Variants in RYR2 observed in about 807,000 individuals in gnomAD.
RYR2 encodes ryanodine receptor 2, also known as cardiac muscle ryanodine receptor-calcium release channel.
In RYR2, 227 loss-of-function variants were observed where a neutral mutation model predicts 601.1. The ratio of observed to expected loss-of-function variants is 0.38; its 90% CI spans 0.34 to 0.42. RYR2 has a LOEUF of 0.42. Among genes scored for constraint, RYR2 ranks in the 10% least tolerant of loss-of-function variants. The pLI is 1.00. For missense variants in RYR2, 4,646 were observed against 6,156.5 expected, an observed-to-expected ratio of 0.75 and a Z score of 8.21; for synonymous variants, 2,223 against 2,175.1, an observed-to-expected ratio of 1.02 and a Z score of -0.61.
chr1:237,150,380 G>A (rs979059530), intron 1 of RYR2, among the ~76,000 whole-genome samples: 21 of 152,166 alleles, frequency 1.4e-4, no homozygotes, highest in African/African-American at 4.1e-4. Flanking sequence ...TCATTGATGG[G>A]ATGAATTCAG....
At chr1:237,296,237 T>C (rs1245888419) in intron 2 of RYR2, among the ~76,000 whole-genome samples, 1 of 152,108 alleles carries the variant, frequency 6.6e-6, no homozygotes, top group Non-Finnish European at 1.5e-5. Context: ...AAGAGATAGT[T>C]GGGGGCTGAT....
intron 6 of RYR2, among the ~76,000 whole-genome samples, chr1:237,370,739 C>T (rs1442786847): frequency 6.7e-6 from 1 of 149,862 alleles, no homozygotes; most frequent in Admixed American, 6.7e-5. Flanking sequence ...CGGCTCACTG[C>T]AAGCTCCGCC....
At chr1:237,761,250 G>A (rs890041207) in intron 84 of RYR2, among the ~76,000 whole-genome samples, 73 of 152,270 alleles carry the variant, frequency 4.8e-4, no homozygotes, top group African/African-American at 1.7e-3. Context: ...ATTGCCAGCT[G>A]CCTTTCCCCT....
intron 48 of RYR2, among the ~76,000 whole-genome samples, chr1:237,644,075 T>C (rs1468834416): frequency 6.6e-6 from 1 of 152,184 alleles, no homozygotes; most frequent in African/African-American, 2.4e-5. Flanking sequence ...GGTCGCAAGC[T>C]CTTCTGTCTT....
intron 24 of RYR2, among the ~76,000 whole-genome samples, chr1:237,516,838 C>T (rs976351045): frequency 6.6e-6 from 1 of 152,166 alleles, no homozygotes; most frequent in Non-Finnish European, 1.5e-5. Context: ...CTTCCTCCAT[C>T]CTGCCTTTCC....
intron 10 of RYR2, among the ~76,000 whole-genome samples, chr1:237,390,016 T>G (rs1702249371): frequency 6.6e-6 from 1 of 152,078 alleles, no homozygotes; most frequent in African/African-American, 2.4e-5. Context: ...TACAGAATGC[T>G]GATGTTTAGG....
intron 25 of RYR2, among the ~76,000 whole-genome samples, chr1:237,540,110 A>G (rs2148019486): frequency 6.6e-6 from 1 of 152,192 alleles, no homozygotes; most frequent in South Asian, 2.1e-4. Context: ...AATTTCACGC[A>G]TCTTCCCTCA....
Position 237,674,747 on chromosome 1 carries a change from G to T in RYR2, c.8731G>T (p.Glu2911Ter). Reference protein sequence around the residue: ...YAVSRGFKDLELDTPSIEKRF... With the variant: ...YAVSRGFKDL ...CTCTTCCAGAGGATTTAAGGACCTG[G>T]AACTGGACACGCCTTCTATTGAGAA... The change falls in exon 60 of 105, where the codon GAA (glutamate) becomes TAA (stop). Residue 2911 changes from glutamate to a stop codon, truncating the protein, a stop_gained. Transcript: ENST00000366574. LOFTEE classifies it high-confidence loss of function. 6.2e-7 allele frequency: 1 copy of T among 1,610,474 alleles called. No homozygotes were observed. Among genetic ancestry groups the T allele is most frequent in the South Asian group, 1.1e-5 (1 of 90,870 alleles).
At chr1:237,528,301 A>G (rs1330777177) in intron 24 of RYR2, among the ~76,000 whole-genome samples, 5 of 152,160 alleles carry the variant, frequency 3.3e-5, no homozygotes, top group African/African-American at 1.2e-4. Flanking sequence ...ATTAGTTACT[A>G]GTTTTAATCC....
chr1:237,087,763 C>T (rs1356556768), intron 1 of RYR2, among the ~76,000 whole-genome samples: 1 of 152,180 alleles, frequency 6.6e-6, no homozygotes, highest in Non-Finnish European at 1.5e-5. Context: ...ACATTCCCCC[C>T]TCCACAGTGG....
chr1:237,607,344 T>C (rs1252716354), intron 35 of RYR2, among the ~76,000 whole-genome samples: 1 of 151,640 alleles, frequency 6.6e-6, no homozygotes, highest in Non-Finnish European at 1.5e-5. Context: ...ACACACCGCA[T>C]GTTCTTACTC....
chr1:237,377,837 T>G (rs1701166357), intron 8 of RYR2, among the ~76,000 whole-genome samples: 1 of 152,196 alleles, frequency 6.6e-6, no homozygotes, highest in East Asian at 1.9e-4. Context: ...CAAATTATTA[T>G]GTGAGGAACA....
At chr1:237,375,551 GTATT>G (rs1700958718) in intron 7 of RYR2, among the ~76,000 whole-genome samples, 1 of 152,068 alleles carries the variant, frequency 6.6e-6, no homozygotes, top group Non-Finnish European at 1.5e-5. Flanking sequence ...CCTCTTAAAA[GTATT>G]TACCCATATT....
intron 11 of RYR2, 99 bp downstream of exon 11, chr1:237,417,222 G>A (rs1167924574): frequency 4.6e-6 from 4 of 874,508 alleles, no homozygotes; most frequent in Non-Finnish European, 7.4e-6. Flanking sequence ...ACTACAGCAA[G>A]CAAGCGAACA....
rs183558716 is a variant in RYR2, at chr1:237,229,288, T to G, written c.49-41209T>G. 2.2e-4 allele frequency among the ~76,000 whole-genome samples: 33 copies of G among 152,360 alleles called. No individual in the cohort carries two copies. In the East Asian group the frequency reaches 3.5e-3, roughly 16 times the overall value. Reference sequence around the variant, plus strand: ...AAATGTAGCACTTTGTGGCCTTTTATGCATGGTGGGGATGGGTGGTTTGCT... The same window carrying G: ...AAATGTAGCACTTTGTGGCCTTTTAGGCATGGTGGGGATGGGTGGTTTGCT... On this transcript the variant is annotated intron_variant, in intron 1 of 104. Transcript: ENST00000366574.
At chr1:237,543,018 C>A (rs1390210806) in intron 25 of RYR2, among the ~76,000 whole-genome samples, 1 of 152,150 alleles carries the variant, frequency 6.6e-6, no homozygotes, top group Non-Finnish European at 1.5e-5. Flanking sequence ...TTTATCTGTT[C>A]TTTTCTGTCC....
intron 81 of RYR2, 82 bp downstream of exon 81, chr1:237,756,469 C>A (rs1470218013): frequency 1.2e-6 from 1 of 852,878 alleles, no homozygotes; most frequent in Non-Finnish European, 1.9e-6. Flanking sequence ...CATTTCAATT[C>A]CACTGACTCA....
At chr1:237,496,890 A>G (rs970081694) in intron 20 of RYR2, 138 bp downstream of exon 20, 13 of 1,033,436 alleles carry the variant, frequency 1.3e-5, no homozygotes, top group Non-Finnish European at 1.7e-5. Context: ...GATGATGAGT[A>G]AGAGTGTTGA....
intron 1 of RYR2, among the ~76,000 whole-genome samples, chr1:237,042,826 C>G (rs1179313353): frequency 2.2e-4 from 34 of 152,004 alleles, no homozygotes; most frequent in Non-Finnish European, 1.5e-5. Flanking sequence ...GGCAGGCGCC[C>G]GGGCTCGGAC....
Sources: gnomAD v4.1 joint callset for allele counts (sites outside exome capture counted in the v4.1 genomes callset) on GRCh38, gnomAD v4.1.1 for gene constraint, MANE v1.5 for transcripts, NCBI Gene and HGNC (gene_info 2026-07-23, HGNC 2026-07-21) for gene names.